Variants in RPS6KA1 observed in about 807,000 individuals in gnomAD.
The protein encoded by RPS6KA1 is ribosomal protein S6 kinase alpha-1.
In RPS6KA1, 48 loss-of-function variants were observed where a neutral mutation model predicts 91.3. That is an observed-to-expected ratio of 0.53 (90% CI 0.42 to 0.67). The LOEUF is 0.67. Ranked by LOEUF, RPS6KA1 falls within the 30% of genes least tolerant of loss-of-function variation. RPS6KA1 has a pLI of 0.00. For missense variants in RPS6KA1, 719 were observed against 960.5 expected, an observed-to-expected ratio of 0.75 and a Z score of 3.32; for synonymous variants, 359 against 384.7, an observed-to-expected ratio of 0.93 and a Z score of 0.78.
chr1:26,543,015 C>G (rs761325950), intron 2 of RPS6KA1: 4 of 836,774 alleles, frequency 4.8e-6, no homozygotes, highest in South Asian at 3.4e-5. Context: ...TATAGAGGAG[C>G]CTGACCCATC....
intron 1 of RPS6KA1, among the ~76,000 whole-genome samples, chr1:26,531,985 G>A (rs1411737435): frequency 6.6e-6 from 1 of 152,158 alleles, no homozygotes; most frequent in African/African-American, 2.4e-5. Context: ...CGATACAGCC[G>A]CCTGACCTGC....
chr1:26,573,188 G>A lies in RPS6KA1; in HGVS notation c.1948-36G>A, dbSNP rs535554996. On this transcript the variant is annotated intron_variant, in intron 20 of 21. Transcript: ENST00000374168. The stretch of plus-strand genomic sequence containing the variant: ...CCCATCAGGGGCCTGCTCCCCTGCA[G>A]CCCTCCCCCAACCCCCTTGCCCACT... The A allele has an allele frequency of 6.8e-6, 11 of 1,608,400 alleles. No homozygotes were observed. The African/African-American group carries it at 9.3e-5, about 14-fold the overall frequency.
intron 21 of RPS6KA1, among the ~76,000 whole-genome samples, chr1:26,573,633 C>T (rs1210001331): frequency 6.6e-6 from 1 of 152,168 alleles, no homozygotes; most frequent in Admixed American, 6.5e-5. Flanking sequence ...TAAAGGACCA[C>T]TGAGGCTGGA....
intron 2 of RPS6KA1, among the ~76,000 whole-genome samples, chr1:26,543,427 C>G (rs951922111): frequency 6.6e-6 from 1 of 152,164 alleles, no homozygotes; most frequent in African/African-American, 2.4e-5. Context: ...GGGCTTGGCC[C>G]CCTCTTAGTC....
chr1:26,562,825 CTTTTTTT>C (rs748764001), intron 17 of RPS6KA1, among the ~76,000 whole-genome samples: 7 of 81,432 alleles, frequency 8.6e-5, no homozygotes, highest in African/African-American at 1.5e-4. Context: ...TCCTATTGTC[CTTTTTTT>C]TTTTTTTTTT....
Position 26,555,309 on chromosome 1 carries a change from C to A in RPS6KA1, c.827+88C>A. The A allele has an allele frequency of 7.9e-7, 1 of 1,273,540 alleles. No homozygotes were observed. The highest frequency in any genetic ancestry group is 1.1e-6 in the Non-Finnish European group (1 of 887,382). 78.9% of individuals were successfully genotyped at this position (1,273,540 alleles called of 1,614,324 possible). A position where few individuals can be genotyped will look rare whatever the true frequency, so the allele number is the denominator to read the frequency against. ...TCAGAATATTATTACCCTGTCCCTG[C>A]CTCAGCTACCCTCTCTAATGAGACT... is the stretch of plus-strand genomic sequence containing the variant. On this transcript the variant is annotated intron_variant, in intron 10 of 21. Coordinates refer to ENST00000374168, the MANE Select transcript of RPS6KA1 (RefSeq NM_002953.4). This position sits in a 1 kb window ranked among gnomAD's most constrained non-coding sequence, Gnocchi z 4.3.
intron 1 of RPS6KA1, among the ~76,000 whole-genome samples, chr1:26,532,423 G>C (rs1427496109): frequency 6.6e-6 from 1 of 152,198 alleles, no homozygotes; most frequent in African/African-American, 2.4e-5. Context: ...TTGGAACCAA[G>C]ATCTCTCTCT....
At chr1:26,556,888 G>A in intron 12 of RPS6KA1, 110 bp from the exon 13 acceptor site, 1 of 1,166,472 alleles carries the variant, frequency 8.6e-7, no homozygotes, top group Non-Finnish European at 1.3e-6. Context: ...GCAATTCCGA[G>A]AGCTGGGCAA....
intron 17 of RPS6KA1, among the ~76,000 whole-genome samples, chr1:26,564,140 A>G (rs2076177997): frequency 6.6e-6 from 1 of 152,054 alleles, no homozygotes; most frequent in Admixed American, 6.6e-5. Flanking sequence ...AAATAAAAAT[A>G]AAAAAAAGAA....
Position 26,563,735 on chromosome 1 carries a change from A to C in RPS6KA1, c.1590+2072A>C, listed in dbSNP as rs80247828. On this transcript the variant is annotated intron_variant, in intron 17 of 21. Coordinates refer to ENST00000374168, the MANE Select transcript of RPS6KA1 (RefSeq NM_002953.4). ...GGCTGCCTCCTGGATCATTTACATT[A>C]TTTCTCCATTGTCTATATTTCCTGT... Among the ~76,000 whole-genome samples, 363 of 152,174 alleles carry C rather than the reference A, an allele frequency of 2.4e-3. 1 individual carries two copies. Among genetic ancestry groups the C allele is most frequent in the African/African-American group, 7.9e-3 (326 of 41,514 alleles).
Position 26,561,792 on chromosome 1 carries a change from G to A in RPS6KA1, c.1590+129G>A. ...CAAACTGAGGGGACACTAGGGCTGGGTGGGTGGATGCGTGCAAAGGAAGGA... is the reference window on the plus strand; with the variant it reads ...CAAACTGAGGGGACACTAGGGCTGGATGGGTGGATGCGTGCAAAGGAAGGA... On this transcript the variant is annotated intron_variant, in intron 17 of 21. Transcript: ENST00000374168. This position sits in a 1 kb window ranked among gnomAD's most constrained non-coding sequence, Gnocchi z 5.7. The A allele has an allele frequency of 1.1e-6, 1 of 890,390 alleles. No individual in the cohort carries two copies. The highest frequency in any genetic ancestry group is 1.7e-6 in the Non-Finnish European group (1 of 587,332). The allele number at this position is 890,390 out of a possible 1,614,324, so 55.2% of individuals were successfully genotyped here.
chr1:26,571,837 C>G lies in RPS6KA1; in HGVS notation c.1753-12C>G, dbSNP rs1257978795. The G allele has an allele frequency of 1.2e-6, 2 of 1,607,138 alleles. No homozygotes were observed. Among genetic ancestry groups the G allele is most frequent in the African/African-American group, 2.7e-5 (2 of 75,028 alleles). On this transcript the variant is annotated splice_polypyrimidine_tract_variant and intron_variant, in intron 18 of 21. Transcript: ENST00000374168. This position sits in a 1 kb window ranked among gnomAD's most constrained non-coding sequence, Gnocchi z 5.1. ...CCCCCCAGACTGACCACCTCCCCTGCCCTGTTGCCAGGTGCTGAAGCGCCA... is the reference window on the plus strand; with the variant it reads ...CCCCCCAGACTGACCACCTCCCCTGGCCTGTTGCCAGGTGCTGAAGCGCCA...
chr1:26,541,277 G>C (rs1046189396), intron 2 of RPS6KA1, among the ~76,000 whole-genome samples: 7 of 149,188 alleles, frequency 4.7e-5, no homozygotes, highest in Admixed American at 2.7e-4. Flanking sequence ...AAAAAATGCC[G>C]GACACAGTGC....
chr1:26,562,825 C>CCTTT (rs1553133561), intron 17 of RPS6KA1, among the ~76,000 whole-genome samples: 5 of 81,440 alleles, frequency 6.1e-5, no homozygotes, highest in Non-Finnish European at 4.5e-5. Context: ...TCCTATTGTC[C>CCTTT]TTTTTTTTTT....
chr1:26,551,836 C>T lies in RPS6KA1; in HGVS notation c.468+113C>T. Reference sequence around the variant, plus strand: ...TTGGTATGGCTTGAACCTGGAACCACCCAGGCCTGCCTAGCAGCCCCTGGC... The same window carrying T: ...TTGGTATGGCTTGAACCTGGAACCATCCAGGCCTGCCTAGCAGCCCCTGGC... On this transcript the variant is annotated intron_variant, in intron 6 of 21. Transcript: ENST00000374168. This position sits in a 1 kb window ranked among gnomAD's most constrained non-coding sequence, Gnocchi z 4.5. 3.4e-6 allele frequency: 3 copies of T among 891,934 alleles called. No individual in the cohort carries two copies. The South Asian group carries it at 4.2e-5, about 12-fold the overall frequency. The allele number at this position is 891,934 out of a possible 1,614,324, so 55.3% of individuals were successfully genotyped here.
rs1183843901 is a variant in RPS6KA1 at position 26,555,041 on chromosome 1, G to A, written c.757-110G>A. 1 of 1,115,526 alleles carries A rather than the reference G, an allele frequency of 9.0e-7. No individual in the cohort carries two copies. The highest frequency in any genetic ancestry group is 1.5e-5 in the African/African-American group (1 of 65,126). The allele number at this position is 1,115,526 out of a possible 1,614,324, so 69.1% of individuals were successfully genotyped here. A position where few individuals can be genotyped will look rare whatever the true frequency, so the allele number is the denominator to read the frequency against. On this transcript the variant is annotated intron_variant, in intron 9 of 21. Coordinates refer to ENST00000374168, the MANE Select transcript of RPS6KA1 (RefSeq NM_002953.4). This position sits in a 1 kb window ranked among gnomAD's most constrained non-coding sequence, Gnocchi z 4.3. Reference sequence around the variant, plus strand: ...ATAATTCTTGCTCCAGGCTGACTTGGATGTATCAGCAAGAATCCTGGGACT... The same window carrying A: ...ATAATTCTTGCTCCAGGCTGACTTGAATGTATCAGCAAGAATCCTGGGACT...
intron 17 of RPS6KA1, among the ~76,000 whole-genome samples, chr1:26,570,534 G>A (rs1187924272): frequency 6.6e-6 from 1 of 152,118 alleles, no homozygotes; most frequent in East Asian, 1.9e-4. Flanking sequence ...GGAGAAGAAT[G>A]AAATGTGGGG....
chr1:26,569,388 G>A (rs567001898), intron 17 of RPS6KA1, among the ~76,000 whole-genome samples: 1 of 152,268 alleles, frequency 6.6e-6, no homozygotes, highest in African/African-American at 2.4e-5. Context: ...CCACATTCCT[G>A]GGGGCCTGGC....
intron 2 of RPS6KA1, among the ~76,000 whole-genome samples, chr1:26,539,957 G>T (rs1013032764): frequency 6.6e-6 from 1 of 152,130 alleles, no homozygotes; most frequent in Non-Finnish European, 1.5e-5. Context: ...GATCCCTCCC[G>T]GATCCCTCAT....
Sources: gnomAD v4.1 joint callset for allele counts (sites outside exome capture counted in the v4.1 genomes callset) on GRCh38, gnomAD v4.1.1 for gene constraint, Gnocchi (gnomAD v3.1) non-coding constraint, MANE v1.5 for transcripts, NCBI Gene and HGNC (gene_info 2026-07-23, HGNC 2026-07-21) for gene names.